Variants in PLCE1 observed in about 807,000 individuals in gnomAD.
The protein encoded by PLCE1 is 1-phosphatidylinositol 4,5-bisphosphate phosphodiesterase epsilon-1.
In PLCE1, 119 loss-of-function variants were observed where a neutral mutation model predicts 242.8. That is an observed-to-expected ratio of 0.49 (90% CI 0.42 to 0.57). The LOEUF is 0.57. Ranked by LOEUF, PLCE1 falls within the 20% of genes least tolerant of loss-of-function variation. The pLI is 0.00. For synonymous variants in PLCE1, 945 were observed against 1,017.4 expected (o/e 0.93, Z 1.35); for missense variants, 2,441 against 2,788.8 (o/e 0.88, Z 2.81).
chr10:94,019,312 T>C (rs1033069127), intron 1 of PLCE1, among the ~76,000 whole-genome samples: 1 of 152,196 alleles, frequency 6.6e-6, no homozygotes, highest in African/African-American at 2.4e-5. Flanking sequence ...CAAGTGGGAT[T>C]GAAATGCAGC....
chr10:94,071,122 T>C (rs563225403), intron 2 of PLCE1, among the ~76,000 whole-genome samples: 2 of 152,266 alleles, frequency 1.3e-5, no homozygotes, highest in South Asian at 2.1e-4. Flanking sequence ...TGAGCCCTGA[T>C]CCTGGAGTTA....
intron 2 of PLCE1, among the ~76,000 whole-genome samples, chr10:94,093,528 AACAG>A (rs542552613): frequency 3.8e-4 from 58 of 152,356 alleles, no homozygotes; most frequent in African/African-American, 1.3e-3. Flanking sequence ...CAGCCTCAGA[AACAG>A]ACAGTCAGTG....
At chr10:94,205,337 A>G (rs2049123621) in intron 4 of PLCE1, among the ~76,000 whole-genome samples, 2 of 152,302 alleles carry the variant, frequency 1.3e-5, no homozygotes, top group African/African-American at 2.4e-5. Context: ...AGAGAATGTT[A>G]TGATATTGGA....
At chr10:94,314,929 ACAT>A (rs2053517058) in intron 28 of PLCE1, 1 of 152,720 alleles carries the variant, frequency 6.5e-6, no homozygotes, top group Non-Finnish European at 1.5e-5. Flanking sequence ...TTGTTTTAAT[ACAT>A]CAGTCCATGT....
At chr10:94,322,339 T>G (rs2053842464) in intron 30 of PLCE1, among the ~76,000 whole-genome samples, 2 of 150,778 alleles carry the variant, frequency 1.3e-5, no homozygotes, top group Admixed American at 6.6e-5. Context: ...GATGACAGAG[T>G]GAGGCCCTGT....
chr10:94,062,920 G>T (rs1483106448), intron 2 of PLCE1, among the ~76,000 whole-genome samples: 1 of 152,130 alleles, frequency 6.6e-6, no homozygotes, highest in Non-Finnish European at 1.5e-5. Flanking sequence ...CCCTAGCTAA[G>T]TTCCATCTTC....
intron 30 of PLCE1, among the ~76,000 whole-genome samples, chr10:94,322,761 G>A (rs930537366): frequency 2.6e-5 from 4 of 151,896 alleles, no homozygotes; most frequent in Non-Finnish European, 5.9e-5. Flanking sequence ...CGTCAGCCTG[G>A]GCAACAAGAG....
chr10:94,326,620 A>G (rs1048240683), intron 32 of PLCE1, among the ~76,000 whole-genome samples: 1 of 152,222 alleles, frequency 6.6e-6, no homozygotes, highest in African/African-American at 2.4e-5. Context: ...AGAAGAATAC[A>G]ACTCCATTAG....
At chr10:94,013,565 AT>A (rs2061215631) in intron 1 of PLCE1, among the ~76,000 whole-genome samples, 1 of 152,240 alleles carries the variant, frequency 6.6e-6, no homozygotes, top group African/African-American at 2.4e-5. Context: ...ACAAATACTT[AT>A]TGGGTTCCCA....
intron 4 of PLCE1, among the ~76,000 whole-genome samples, chr10:94,175,977 G>C (rs184377995): frequency 6.6e-6 from 1 of 152,048 alleles, no homozygotes; most frequent in Non-Finnish European, 1.5e-5. Flanking sequence ...TGGACACTTA[G>C]GTTGCTTCCA....
chr10:94,228,041 G>A (rs527777991), intron 5 of PLCE1, among the ~76,000 whole-genome samples: 9 of 152,344 alleles, frequency 5.9e-5, no homozygotes, highest in African/African-American at 1.9e-4. Flanking sequence ...AAGGCTAAGA[G>A]AAATTAAGTC....
At chr10:94,202,488 C>G (rs1437559685) in intron 4 of PLCE1, among the ~76,000 whole-genome samples, 1 of 152,138 alleles carries the variant, frequency 6.6e-6, no homozygotes, top group African/African-American at 2.4e-5. Flanking sequence ...CCACCACCCC[C>G]CATAGAAGCT....
intron 2 of PLCE1, chr10:94,096,359 A>G (rs1377755648): frequency 6.6e-6 from 1 of 152,228 alleles, no homozygotes; most frequent in African/African-American, 2.4e-5. Context: ...TTTATAAAGG[A>G]AAGAGATTTA....
intron 4 of PLCE1, among the ~76,000 whole-genome samples, chr10:94,220,277 C>T (rs2049681306): frequency 6.7e-6 from 1 of 149,916 alleles, no homozygotes; most frequent in Non-Finnish European, 1.5e-5. Flanking sequence ...CCTGTAGTAC[C>T]AGCTACTTGG....
chr10:94,281,241 G>A (rs1028192575), intron 20 of PLCE1, among the ~76,000 whole-genome samples: 1 of 152,104 alleles, frequency 6.6e-6, no homozygotes, highest in Non-Finnish European at 1.5e-5. Context: ...TAATCTAGAT[G>A]TCATATGCCC....
chr10:94,019,780 C>T (rs955521323), intron 1 of PLCE1, among the ~76,000 whole-genome samples: 4 of 152,174 alleles, frequency 2.6e-5, no homozygotes, highest in Non-Finnish European at 5.9e-5. Flanking sequence ...TAGATGCATT[C>T]AGTGTCTGGC....
At chr10:94,189,727 C>A (rs74151088) in intron 4 of PLCE1, among the ~76,000 whole-genome samples, 16,492 of 152,142 alleles carry the variant, frequency 0.11, 1,857 homozygotes, top group African/African-American at 0.29. Context: ...TGACTGTTCA[C>A]ATAGGGAGGC....
At chr10:94,209,313 AT>A (rs1259222622) in intron 4 of PLCE1, among the ~76,000 whole-genome samples, 1 of 152,222 alleles carries the variant, frequency 6.6e-6, no homozygotes, top group Non-Finnish European at 1.5e-5. Context: ...GTGCCTGCCA[AT>A]TTTGTTTCAG....
intron 22 of PLCE1, among the ~76,000 whole-genome samples, chr10:94,289,475 T>A (rs558724411): frequency 2.0e-5 from 3 of 152,354 alleles, no homozygotes; most frequent in Admixed American, 6.5e-5. Context: ...TAGATTATTT[T>A]GTCATTGTGT....
Sources: allele counts gnomAD v4.1 joint callset (sites outside exome capture counted in the v4.1 genomes callset), GRCh38; gene constraint gnomAD v4.1.1; transcripts MANE v1.5; gene names NCBI Gene and HGNC (gene_info 2026-07-23, HGNC 2026-07-21).